MAGI2: variants seen among roughly 807,000 people sequenced by gnomAD.
The protein encoded by MAGI2 is membrane-associated guanylate kinase, WW and PDZ domain-containing protein 2.
Under a neutral mutation model 133.3 loss-of-function variants are expected in MAGI2, and 35 were observed. The observed-to-expected ratio is 0.26, with a 90% confidence interval of 0.20 to 0.35. MAGI2 has a LOEUF of 0.35. MAGI2 is among the 10% of genes least tolerant of loss of function. The probability of loss-of-function intolerance (pLI) is 1.00; values close to 1 mark genes in which losing one functional copy is unlikely to be tolerated. For synonymous variants in MAGI2, 729 were observed against 710.6 expected, an observed-to-expected ratio of 1.03 and a Z score of -0.41; for missense variants, 1,636 against 1,863.4, an observed-to-expected ratio of 0.88 and a Z score of 2.25.
intron 2 of MAGI2, among the ~76,000 whole-genome samples, chr7:78,641,955 G>C (rs1275007814): frequency 6.6e-6 from 1 of 152,142 alleles, no homozygotes; most frequent in Non-Finnish European, 1.5e-5. Flanking sequence ...TGAGGGCATT[G>C]CATCTTTTAG....
chr7:79,291,690 C>T (rs148411993), intron 1 of MAGI2, among the ~76,000 whole-genome samples: 1 of 152,254 alleles, frequency 6.6e-6, no homozygotes, highest in South Asian at 2.1e-4. Context: ...TTTTCACATG[C>T]TCATTGGATC....
At chr7:78,044,709 G>A (rs767964799) in intron 21 of MAGI2, among the ~76,000 whole-genome samples, 1 of 150,008 alleles carries the variant, frequency 6.7e-6, no homozygotes, top group African/African-American at 2.5e-5. Context: ...GTGTGTGCAC[G>A]TGTGCACACG....
At chr7:79,420,081 C>A (rs1441306200) in intron 1 of MAGI2, among the ~76,000 whole-genome samples, 1 of 152,014 alleles carries the variant, frequency 6.6e-6, no homozygotes, top group Non-Finnish European at 1.5e-5. Context: ...GACCATCTAA[C>A]CTAATTTTAG....
intron 1 of MAGI2, among the ~76,000 whole-genome samples, chr7:79,401,166 T>C (rs1845444610): frequency 6.6e-6 from 1 of 152,130 alleles, no homozygotes; most frequent in Admixed American, 6.6e-5. Flanking sequence ...ATACAAATGT[T>C]TAAAACTTAC....
chr7:78,460,917 T>G (rs752439453), intron 6 of MAGI2, among the ~76,000 whole-genome samples: 5 of 151,440 alleles, frequency 3.3e-5, no homozygotes, highest in Non-Finnish European at 7.4e-5. Flanking sequence ...GCCATCACTA[T>G]TGGAGTCAAT....
chr7:78,246,069 C>T (rs940119467), intron 10 of MAGI2, among the ~76,000 whole-genome samples: 2 of 152,156 alleles, frequency 1.3e-5, no homozygotes, highest in African/African-American at 4.8e-5. Flanking sequence ...TCTATCTACC[C>T]CTCCCAGTGG....
At position 78,158,616 on chromosome 7, in the gene MAGI2, C is replaced by G. The variant is rs189798592; in HGVS notation, c.2845+1409G>C. Among the ~76,000 whole-genome samples, 166 of 152,310 alleles carry G rather than the reference C, an allele frequency of 1.1e-3. 2 individuals carry two copies. In the South Asian group the frequency reaches 0.014, roughly 13 times the overall value. ...TAACCGACTCCATCTTGCTTCTAAT[C>G]TTTAAGTCGTCCTTGTTCATTCCTG... On this transcript the variant is annotated intron_variant, in intron 16 of 21. Transcript: ENST00000354212.
chr7:78,884,811 A>C (rs1483041100), intron 2 of MAGI2, among the ~76,000 whole-genome samples: 1 of 146,204 alleles, frequency 6.8e-6, no homozygotes, highest in Non-Finnish European at 1.6e-5. Context: ...CAGCAATCCC[A>C]TTACTGGATA....
chr7:78,543,431 G>A (rs1009599130), intron 3 of MAGI2, among the ~76,000 whole-genome samples: 2 of 152,228 alleles, frequency 1.3e-5, no homozygotes, highest in Non-Finnish European at 2.9e-5. Flanking sequence ...AATGTTGTAA[G>A]TTGGAATGTA....
At chr7:78,079,687 C>G (rs1371791829) in intron 20 of MAGI2, among the ~76,000 whole-genome samples, 1 of 152,170 alleles carries the variant, frequency 6.6e-6, no homozygotes, top group Non-Finnish European at 1.5e-5. Flanking sequence ...AAATGAGATT[C>G]TCCATTCTCT....
At chr7:78,702,047 G>T (rs1818129983) in intron 2 of MAGI2, among the ~76,000 whole-genome samples, 1 of 151,958 alleles carries the variant, frequency 6.6e-6, no homozygotes, top group South Asian at 2.1e-4. Flanking sequence ...AGGAATAAAT[G>T]GTGGAGAGTG....
intron 2 of MAGI2, among the ~76,000 whole-genome samples, chr7:78,926,680 G>C (rs921415878): frequency 6.6e-6 from 1 of 151,970 alleles, no homozygotes; most frequent in South Asian, 2.1e-4. Context: ...ATGGAATGAG[G>C]ATGGACATAA....
intron 1 of MAGI2, among the ~76,000 whole-genome samples, chr7:79,355,336 TAAACAAACAAAA>T (rs1484497632): frequency 1.4e-5 from 2 of 147,884 alleles, no homozygotes; most frequent in Non-Finnish European, 3.0e-5. Flanking sequence ...AACAAACAAA[TAAACAAACAAAA>T]AAACAAACAA....
At chr7:79,049,806 A>G (rs1035268561) in intron 1 of MAGI2, among the ~76,000 whole-genome samples, 2 of 150,256 alleles carry the variant, frequency 1.3e-5, no homozygotes, top group East Asian at 2.0e-4. Flanking sequence ...TGATTCTGTA[A>G]TTTTTAATTG....
chr7:78,860,542 G>A (rs1053516557), intron 2 of MAGI2, among the ~76,000 whole-genome samples: 4 of 152,168 alleles, frequency 2.6e-5, no homozygotes, highest in African/African-American at 4.8e-5. Context: ...TATCACCAGC[G>A]GAGGCTGCAG....
intron 1 of MAGI2, among the ~76,000 whole-genome samples, chr7:79,447,694 A>C (rs367806859): frequency 6.6e-6 from 1 of 152,100 alleles, no homozygotes; most frequent in African/African-American, 2.4e-5. Flanking sequence ...GTATTTAAAT[A>C]GTATTTAAAT....
chr7:78,179,393 C>A lies in MAGI2; in HGVS notation c.2312-1291G>T, dbSNP rs149600529. ...CCAGGCAAATATTTTCCAGGCTCTGCAGTAGGTGGGACTGCTGGAGTGATA... is the reference window on the plus strand; with the variant it reads ...CCAGGCAAATATTTTCCAGGCTCTGAAGTAGGTGGGACTGCTGGAGTGATA... On this transcript the variant is annotated intron_variant, in intron 13 of 21. Transcript: ENST00000354212. 3.9e-4 allele frequency among the ~76,000 whole-genome samples: 59 copies of A among 152,310 alleles called. No individual in the cohort carries two copies. In the East Asian group the frequency reaches 0.011, roughly 29 times the overall value.
Position 78,527,171 on chromosome 7 carries a change from G to T in MAGI2, c.539-5526C>A, listed in dbSNP as rs184023034. On this transcript the variant is annotated intron_variant, in intron 3 of 21. Transcript: ENST00000354212. Reference sequence around the variant, plus strand: ...GACAGTCACACAATTTATTGCAAAGGGAGAGAGACTAATTATGAGCTAAAC... The same window carrying T: ...GACAGTCACACAATTTATTGCAAAGTGAGAGAGACTAATTATGAGCTAAAC... 3.3e-5 allele frequency among the ~76,000 whole-genome samples: 5 copies of T among 152,172 alleles called. No individual in the cohort carries two copies. In the East Asian group the frequency reaches 9.7e-4, roughly 29 times the overall value.
chr7:78,611,059 T>C (rs547801603), intron 3 of MAGI2, among the ~76,000 whole-genome samples: 1 of 152,344 alleles, frequency 6.6e-6, no homozygotes, highest in African/African-American at 2.4e-5. Context: ...CATAATACTT[T>C]CATTGAAGAA....
Sources: gnomAD v4.1 joint callset for allele counts (sites outside exome capture counted in the v4.1 genomes callset) on GRCh38, gnomAD v4.1.1 for gene constraint, MANE v1.5 for transcripts, NCBI Gene and HGNC (gene_info 2026-07-23, HGNC 2026-07-21) for gene names.